The following EEF2K variants were observed in gnomAD, a reference collection of about 807,000 sequenced individuals.
The protein encoded by EEF2K is eukaryotic elongation factor 2 kinase, also known as alternative protein EEF2K.
In EEF2K, 70 loss-of-function variants were observed where a neutral mutation model predicts 93.8. The ratio of observed to expected loss-of-function variants is 0.75; its 90% confidence interval spans 0.62 to 0.91. The LOEUF (loss-of-function observed/expected upper bound fraction) is 0.91. Among genes scored for constraint, EEF2K ranks in the 40% least tolerant of loss-of-function variants. EEF2K has a pLI of 0.00. For missense variants in EEF2K, 935 were observed against 972.9 expected (o/e 0.96, Z 0.52); for synonymous variants, 376 against 380.8 (o/e 0.99, Z 0.15).
intron 2 of EEF2K, among the ~76,000 whole-genome samples, chr16:22,233,006 G>A (rs762085944): frequency 2.0e-5 from 3 of 152,160 alleles, no homozygotes; most frequent in Non-Finnish European, 2.9e-5. Context: ...AGATTCTATC[G>A]CTGTCAAGCC....
intron 1 of EEF2K, among the ~76,000 whole-genome samples, chr16:22,213,778 T>C (rs754215821): frequency 1.3e-5 from 2 of 152,152 alleles, no homozygotes; most frequent in African/African-American, 4.8e-5. Context: ...AAGCCAGCAG[T>C]GTGGCAACTT....
At chr16:22,259,632 G>C (rs538862305) in intron 10 of EEF2K, among the ~76,000 whole-genome samples, 3 of 152,176 alleles carry the variant, frequency 2.0e-5, no homozygotes, top group African/African-American at 7.2e-5. Context: ...TTTAATTTTT[G>C]TCATCCATTT....
chr16:22,283,865 G>C, intron 17 of EEF2K, 22 bp from the exon 18 acceptor site: 1 of 1,563,102 alleles, frequency 6.4e-7, no homozygotes, highest in Middle Eastern at 1.7e-4. Context: ...ACCTCTTTTT[G>C]CCCCCCTTTG....
intron 2 of EEF2K, among the ~76,000 whole-genome samples, chr16:22,243,546 C>T (rs967130165): frequency 2.6e-5 from 4 of 151,898 alleles, no homozygotes; most frequent in African/African-American, 9.7e-5. Flanking sequence ...GCCACTGCAC[C>T]CAGCCCAGCC....
At chr16:22,250,734 C>T in intron 5 of EEF2K, 43 bp downstream of exon 5, 1 of 1,613,266 alleles carries the variant, frequency 6.2e-7, no homozygotes, top group South Asian at 1.1e-5. Flanking sequence ...CCCAGAGTCC[C>T]CCCAGGCTCC....
intron 2 of EEF2K, 111 bp downstream of exon 2, chr16:22,226,086 C>A: frequency 6.9e-7 from 1 of 1,452,588 alleles, no homozygotes; most frequent in Non-Finnish European, 9.3e-7. Context: ...CTGGACAGTG[C>A]TCTAAACTCT....
chr16:22,247,117 T>G (rs553218071), intron 3 of EEF2K, among the ~76,000 whole-genome samples: 1 of 146,206 alleles, frequency 6.8e-6, no homozygotes, highest in African/African-American at 2.5e-5. Flanking sequence ...CTAGAACCCC[T>G]TTTTCCCAAA....
At chr16:22,212,328 CTTT>C (rs769233604) in intron 1 of EEF2K, among the ~76,000 whole-genome samples, 1 of 144,818 alleles carries the variant, frequency 6.9e-6, no homozygotes, top group African/African-American at 2.5e-5. Context: ...CTGTCTCTTT[CTTT>C]TTTTTTTTTT....
intron 2 of EEF2K, among the ~76,000 whole-genome samples, chr16:22,228,006 CTTT>C (rs1051682997): frequency 0.028 from 2,227 of 79,704 alleles, 16 homozygotes; most frequent in African/African-American, 0.11. Context: ...AAACCAAATT[CTTT>C]TTTTTTTTTT....
At chr16:22,242,529 C>T (rs2047233267) in intron 2 of EEF2K, among the ~76,000 whole-genome samples, 1 of 151,378 alleles carries the variant, frequency 6.6e-6, no homozygotes, top group South Asian at 2.1e-4. Context: ...CCAGGCTGGT[C>T]TCGAGCTCCT....
At position 22,280,269 on chromosome 16, in the gene EEF2K, G is replaced by T; in HGVS notation, c.1961G>T (p.Gly654Val). Residue 654 changes from glycine to valine, a missense_variant, in exon 17 of 18, where the codon GGT becomes GTT. Gly to Val is a moderately radical substitution (Grantham distance 109). Transcript: ENST00000263026. ...ALEMTDCDEG[G>V]EYDGMQDEPR... ...GAGATGACGGACTGTGATGAGGGCG[G>T]TGAGTACGACGGAATGCAGGACGAG... 1.0e-5 allele frequency: 16 copies of T among 1,607,716 alleles called. No individual in the cohort carries two copies. The highest frequency in any genetic ancestry group is 1.3e-5 in the African/African-American group (1 of 74,678).
Position 22,265,043 on chromosome 16 carries a change from C to T in EEF2K, c.1440+163C>T, listed in dbSNP as rs558188498. On this transcript the variant is annotated intron_variant, in intron 13 of 17. Transcript: ENST00000263026. ...CAAATCTGGGCAAATGCTCTTTGAACCTCTGCAGGGCAGGATGCTGGGGGA... is the reference window on the plus strand; with the variant it reads ...CAAATCTGGGCAAATGCTCTTTGAATCTCTGCAGGGCAGGATGCTGGGGGA... 4.4e-4 allele frequency: 318 copies of T among 724,462 alleles called. 3 individuals are homozygous for T. In the South Asian group the frequency reaches 5.5e-3, roughly 12 times the overall value. The allele number at this position is 724,462 out of a possible 1,614,324, so 44.9% of individuals were successfully genotyped here.
intron 16 of EEF2K, among the ~76,000 whole-genome samples, chr16:22,277,282 A>G (rs1034992722): frequency 1.3e-5 from 2 of 152,196 alleles, no homozygotes; most frequent in African/African-American, 4.8e-5. Context: ...GACCATAGCC[A>G]TGCACCACCA....
intron 6 of EEF2K, among the ~76,000 whole-genome samples, chr16:22,252,802 C>T (rs2047363934): frequency 6.6e-6 from 1 of 152,130 alleles, no homozygotes; most frequent in Non-Finnish European, 1.5e-5. Flanking sequence ...GCAAAAGGCA[C>T]ATCTTACCTG....
chr16:22,243,800 G>A (rs1045371878), intron 2 of EEF2K, among the ~76,000 whole-genome samples: 2 of 150,990 alleles, frequency 1.3e-5, no homozygotes, highest in East Asian at 2.0e-4. Context: ...GTGTGCACCT[G>A]TAGGTCCAGC....
At chr16:22,209,930 C>CT (rs1339500108) in intron 1 of EEF2K, among the ~76,000 whole-genome samples, 1 of 152,190 alleles carries the variant, frequency 6.6e-6, no homozygotes, top group Non-Finnish European at 1.5e-5. Context: ...GTAGCTGGGA[C>CT]TACAGACATG....
chr16:22,278,296 G>A (rs2047659505), intron 16 of EEF2K, among the ~76,000 whole-genome samples: 1 of 152,138 alleles, frequency 6.6e-6, no homozygotes, highest in Non-Finnish European at 1.5e-5. Context: ...ATCCATTCAT[G>A]AGGGCAGAAC....
intron 6 of EEF2K, among the ~76,000 whole-genome samples, chr16:22,255,280 A>G (rs2047388383): frequency 6.6e-6 from 1 of 152,122 alleles, no homozygotes; most frequent in South Asian, 2.1e-4. Context: ...TGGACACGAA[A>G]TGGTTTCTTT....
At position 22,268,201 on chromosome 16, in the gene EEF2K, CAG is replaced by C. The variant is rs369649664; in HGVS notation, c.1764+1328_1764+1329del. 2.5e-4 allele frequency among the ~76,000 whole-genome samples: 38 copies of C among 152,090 alleles called. No homozygotes were observed. The East Asian group carries it at 4.2e-3, about 17-fold the overall frequency. ...TGTTTTGTTTTTGTTTTTTTTGAGA[CAG>C]AGTCTCGCTTTGTTGCCCAGGCTGG... On this transcript the variant is annotated intron_variant, in intron 15 of 17. Coordinates refer to ENST00000263026, the MANE Select transcript of EEF2K (RefSeq NM_013302.5).
Sources: allele counts gnomAD v4.1 joint callset (sites outside exome capture counted in the v4.1 genomes callset), GRCh38; gene constraint gnomAD v4.1.1; transcripts MANE v1.5; gene names NCBI Gene and HGNC (gene_info 2026-07-23, HGNC 2026-07-21).